MAGEC3: variants seen among roughly 807,000 people sequenced by gnomAD.
MAGEC3 encodes MAGE family member C3.
A neutral mutation model predicts 35.3 loss-of-function variants in MAGEC3; 34 were observed. That is an observed-to-expected ratio of 0.96 (90% CI 0.73 to 1.28). The LOEUF (loss-of-function observed/expected upper bound fraction) is 1.28. MAGEC3 is among the 50% of genes most tolerant of loss of function. MAGEC3 has a pLI of 0.00. For missense variants in MAGEC3, 561 were observed against 483.6 expected (o/e 1.16, Z -1.50); for synonymous variants, 202 against 185.6 (o/e 1.09, Z -0.72).
At chrX:141,839,514 T>C (rs2124076433) in intron 1 of MAGEC3, 1 of 752,571 alleles carries the variant, frequency 1.3e-6, no homozygotes, top group East Asian at 1.5e-4. Context: ...TGCTATTGTC[T>C]TGGCTGCCGG....
intron 4 of MAGEC3, among the ~76,000 whole-genome samples, chrX:141,883,130 G>T (rs1192716271): frequency 8.9e-6 from 1 of 112,089 alleles, no homozygotes; most frequent in Non-Finnish European, 1.9e-5. Context: ...TGAACACAGT[G>T]CAAGGACTAG....
intron 2 of MAGEC3, among the ~76,000 whole-genome samples, chrX:141,868,843 TA>T (rs2017867618): frequency 9.3e-6 from 1 of 107,382 alleles, no homozygotes; most frequent in African/African-American, 3.4e-5. Flanking sequence ...TGATTTTTTT[TA>T]AAATTTTTAT....
chrX:141,878,450 T>A (rs2017934200), intron 2 of MAGEC3, among the ~76,000 whole-genome samples: 1 of 112,582 alleles, frequency 8.9e-6, no homozygotes, highest in Non-Finnish European at 1.9e-5. Flanking sequence ...GAGAGATAAC[T>A]GCAAGACTCC....
chrX:141,865,763 C>T (rs2017844774), intron 2 of MAGEC3, among the ~76,000 whole-genome samples, 158 bp downstream of exon 2: 1 of 111,712 alleles, frequency 9.0e-6, no homozygotes, highest in Non-Finnish European at 1.9e-5. Context: ...GGAGGTGAGG[C>T]TTCCTCACCT....
intron 2 of MAGEC3, among the ~76,000 whole-genome samples, chrX:141,866,319 A>G (rs5907190): frequency 8.9e-6 from 1 of 112,154 alleles, no homozygotes; most frequent in African/African-American, 3.2e-5. Flanking sequence ...TGTTAAAAAA[A>G]TTTTTATATT....
intron 2 of MAGEC3, among the ~76,000 whole-genome samples, chrX:141,874,330 C>G: frequency 9.0e-6 from 1 of 111,327 alleles, no homozygotes; most frequent in Non-Finnish European, 1.9e-5. Context: ...TTAGATACAA[C>G]CCAAAAAGGA....
chrX:141,895,608 G>A, intron 6 of MAGEC3, 49 bp downstream of exon 6: 1 of 1,115,610 alleles, frequency 9.0e-7, no homozygotes. Context: ...GAGGACTGGG[G>A]GAACCCCCAC....
chrX:141,838,459 T>C, intron 1 of MAGEC3, 21 bp downstream of exon 1: 1 of 1,200,011 alleles, frequency 8.3e-7, no homozygotes, highest in South Asian at 1.8e-5. Context: ...CCATGAATGC[T>C]CATGTCTAAG....
At chrX:141,890,146 G>A (rs781565637) in intron 4 of MAGEC3, among the ~76,000 whole-genome samples, 9 of 111,296 alleles carry the variant, frequency 8.1e-5, no homozygotes, top group Non-Finnish European at 1.1e-4. Flanking sequence ...CCCTTAATAT[G>A]TACATCTGTC....
intron 2 of MAGEC3, among the ~76,000 whole-genome samples, chrX:141,874,420 G>A (rs1050457364): frequency 5.4e-5 from 6 of 111,333 alleles, no homozygotes; most frequent in African/African-American, 9.8e-5. Flanking sequence ...AAGGAAAAAC[G>A]AGAAACGAGG....
rs1354912045 is a variant in MAGEC3 at position 141,897,408 on chromosome X, T to A, written c.1650T>A (p.Ile550=). Residue 550 remains isoleucine, a synonymous_variant, in exon 7 of 8, where the codon ATT becomes ATA. Transcript: ENST00000298296. ...GCATGCCCAAGAACTGTCTCCTGAT[T>A]CTTATTCTCAGTATGATCTTCATAA... The part of the protein sequence containing the change: ...DQGMPKNCLL[I]LILSMIFIKG... 2.5e-6 allele frequency: 3 copies of A among 1,209,936 alleles called. No individual in the cohort carries two copies. In the African/African-American group the frequency reaches 5.3e-5, roughly 21 times the overall value.
chrX:141,885,663 CAAAAAAAAAAAA>C (rs35973319), intron 4 of MAGEC3, among the ~76,000 whole-genome samples: 4 of 40,991 alleles, frequency 9.8e-5, no homozygotes, highest in Non-Finnish European at 1.5e-4. Flanking sequence ...GACTTCGTCT[CAAAAAAAAAAAA>C]AAAAAAAAAA....
intron 1 of MAGEC3, chrX:141,839,040 G>T (rs756585745): frequency 3.0e-4 from 50 of 164,345 alleles, no homozygotes; most frequent in Non-Finnish European, 4.6e-4. Flanking sequence ...TTAGTTTCGG[G>T]GCCCATGATG....
At position 141,879,264 on chromosome X, in the gene MAGEC3, G is replaced by A; in HGVS notation, c.348G>A (p.Arg116=). ...CGGAGGGGAAGTTTTCTCTGAGGAGGGCAGTTTCAGTTAAGCAGAGGGAGG... is the reference window on the plus strand; with the variant it reads ...CGGAGGGGAAGTTTTCTCTGAGGAGAGCAGTTTCAGTTAAGCAGAGGGAGG... The part of the protein sequence containing the change: ...SQPEGKFSLR[R]AVSVKQREEP... Residue 116 remains arginine, a synonymous_variant, in exon 3 of 8, where the codon AGG becomes AGA. Transcript: ENST00000298296. 1 of 1,206,432 alleles carries A rather than the reference G, an allele frequency of 8.3e-7. No individual in the cohort carries two copies. The highest frequency in any genetic ancestry group is 1.1e-6 in the Non-Finnish European group (1 of 892,762).
intron 1 of MAGEC3, among the ~76,000 whole-genome samples, chrX:141,848,105 G>T (rs745749869): frequency 6.0e-4 from 66 of 109,358 alleles, no homozygotes; most frequent in African/African-American, 2.1e-3. Flanking sequence ...ATATATACAC[G>T]CATCTATATG....
intron 2 of MAGEC3, among the ~76,000 whole-genome samples, chrX:141,874,816 G>C (rs1322562918): frequency 1.3e-4 from 2 of 15,800 alleles, no homozygotes; most frequent in Non-Finnish European, 2.9e-4. Context: ...ATCTGGAAAT[G>C]GTAAAAAAAA....
chrX:141,874,337 A>G (rs1383465635), intron 2 of MAGEC3, among the ~76,000 whole-genome samples: 2 of 112,212 alleles, frequency 1.8e-5, no homozygotes, highest in Non-Finnish European at 3.8e-5. Flanking sequence ...CAACCCAAAA[A>G]GGAACATCTG....
chrX:141,846,160 A>G (rs746914520), intron 1 of MAGEC3, among the ~76,000 whole-genome samples: 7 of 107,672 alleles, frequency 6.5e-5, no homozygotes, highest in Non-Finnish European at 1.4e-4. Context: ...CTTACTCAAC[A>G]GCCAGTTCCC....
chrX:141,853,697 T>C (rs953256192), intron 1 of MAGEC3, among the ~76,000 whole-genome samples: 1 of 111,481 alleles, frequency 9.0e-6, no homozygotes, highest in Non-Finnish European at 1.9e-5. Flanking sequence ...AGAAAAGTAA[T>C]TTTAAAAAAT....
Sources: gnomAD v4.1 joint callset for allele counts (sites outside exome capture counted in the v4.1 genomes callset) on GRCh38, gnomAD v4.1.1 for gene constraint, MANE v1.5 for transcripts, NCBI Gene and HGNC (gene_info 2026-07-23, HGNC 2026-07-21) for gene names.